The following AMOTL1 variants were observed in gnomAD, a reference collection of about 807,000 sequenced individuals.
The protein encoded by AMOTL1 is angiomotin like 1, also known as angiomotin-like protein 1.
AMOTL1 carries 45 observed loss-of-function variants against 102.9 expected under a neutral mutation model. The ratio of observed to expected loss-of-function variants is 0.44; its 90% CI spans 0.34 to 0.56. The LOEUF (loss-of-function observed/expected upper bound fraction) is 0.56, where lower values mean the gene tolerates loss of function less well. AMOTL1 is among the 20% of genes least tolerant of loss of function. The pLI, the probability that AMOTL1 is intolerant of heterozygous loss-of-function variation, is 0.01. For synonymous variants in AMOTL1, 481 were observed against 484.7 expected (o/e 0.99, Z 0.10); for missense variants, 1,114 against 1,225.6 (o/e 0.91, Z 1.36).
intron 3 of AMOTL1, among the ~76,000 whole-genome samples, chr11:94,743,222 C>T (rs192746259): frequency 2.0e-5 from 3 of 152,252 alleles, no homozygotes; most frequent in East Asian, 1.9e-4. Flanking sequence ...GGGTTGTGCC[C>T]GGGGATCCCT....
intron 2 of AMOTL1, among the ~76,000 whole-genome samples, chr11:94,736,131 G>T (rs1390599017): frequency 1.3e-5 from 2 of 152,152 alleles, no homozygotes; most frequent in Admixed American, 6.5e-5. Flanking sequence ...CAGGGGCAGG[G>T]ACTCCCTCTT....
chr11:94,712,791 T>C (rs1324954103), intron 1 of AMOTL1, among the ~76,000 whole-genome samples: 1 of 151,942 alleles, frequency 6.6e-6, no homozygotes. Flanking sequence ...AATTTTTTAT[T>C]CTATCCTCTT....
At position 94,799,314 on chromosome 11, in the gene AMOTL1, T is replaced by C; in HGVS notation, c.200-76T>C. The C allele has an allele frequency of 8.4e-7, 1 of 1,188,286 alleles. No homozygotes were observed. Among genetic ancestry groups the C allele is most frequent in the Non-Finnish European group, 1.2e-6 (1 of 860,410 alleles). 73.6% of individuals were successfully genotyped at this position (1,188,286 alleles called of 1,614,324 possible). On this transcript the variant is annotated intron_variant, in intron 2 of 12. Coordinates refer to ENST00000433060, the MANE Select transcript of AMOTL1 (RefSeq NM_130847.3). This position sits in a 1 kb window ranked among gnomAD's most constrained non-coding sequence, Gnocchi z 4.5. Reference sequence around the variant, plus strand: ...AATGTTGCTGTAGTTAGAATGTTAATTATGTACCACATAGTCACAGACATA... The same window carrying C: ...AATGTTGCTGTAGTTAGAATGTTAACTATGTACCACATAGTCACAGACATA...
intron 3 of AMOTL1, among the ~76,000 whole-genome samples, chr11:94,819,493 C>G (rs1393049759): frequency 6.6e-6 from 1 of 152,156 alleles, no homozygotes; most frequent in African/African-American, 2.4e-5. Flanking sequence ...TTTTACCCTC[C>G]TCTCACACGT....
intron 1 of AMOTL1, among the ~76,000 whole-genome samples, chr11:94,774,160 A>G (rs1448958163): frequency 6.6e-6 from 1 of 152,238 alleles, no homozygotes; most frequent in Non-Finnish European, 1.5e-5. Flanking sequence ...ATTCGCATGT[A>G]TCCGTCTTCT....
Position 94,821,498 on chromosome 11 carries a change from G to C in AMOTL1, c.1122-32G>C, listed in dbSNP as rs962817693. On this transcript the variant is annotated intron_variant, in intron 3 of 12. Coordinates refer to ENST00000433060, the MANE Select transcript of AMOTL1 (RefSeq NM_130847.3). ...CCTTCCTGCTCCCACCATTTCCCCAGGCTCTAACTGCTGCCTTCCATTGCC... is the reference window on the plus strand; with the variant it reads ...CCTTCCTGCTCCCACCATTTCCCCACGCTCTAACTGCTGCCTTCCATTGCC... 9 of 1,598,342 alleles carry C rather than the reference G, an allele frequency of 5.6e-6. No homozygotes were observed. In the African/African-American group the frequency reaches 1.1e-4, roughly 19 times the overall value.
chr11:94,843,059 G>A (rs1952339986), intron 6 of AMOTL1, among the ~76,000 whole-genome samples: 1 of 152,186 alleles, frequency 6.6e-6, no homozygotes, highest in South Asian at 2.1e-4. Flanking sequence ...CTGCACCAGA[G>A]CTCAGGGACA....
chr11:94,806,580 A>C (rs984161799), intron 3 of AMOTL1, among the ~76,000 whole-genome samples: 1 of 152,222 alleles, frequency 6.6e-6, no homozygotes, highest in African/African-American at 2.4e-5. Flanking sequence ...GAATACCAGC[A>C]TGGGAACTCA....
chr11:94,859,515 ACTC>A lies in AMOTL1; in HGVS notation c.1945-7_1945-5del, dbSNP rs753108714. The stretch of plus-strand genomic sequence containing the variant: ...TTTTGAGCATCAAGATTTTTTTTCT[ACTC>A]CTTCAGAAACATGGAAATGGCCAGC... On this transcript the variant is annotated splice_polypyrimidine_tract_variant and splice_region_variant and intron_variant, in intron 8 of 12. Coordinates refer to ENST00000433060, the MANE Select transcript of AMOTL1 (RefSeq NM_130847.3). 6.2e-7 allele frequency: 1 copy of A among 1,602,400 alleles called. No individual in the cohort carries two copies. The highest frequency in any genetic ancestry group is 8.5e-7 in the Non-Finnish European group (1 of 1,174,222).
At chr11:94,868,635 C>T (rs1952930141) in intron 11 of AMOTL1, among the ~76,000 whole-genome samples, 1 of 152,152 alleles carries the variant, frequency 6.6e-6, no homozygotes, top group Non-Finnish European at 1.5e-5. Context: ...GGACCATCAT[C>T]CATTACAAGG....
intron 2 of AMOTL1, among the ~76,000 whole-genome samples, chr11:94,736,257 A>G (rs1950437877): frequency 1.3e-5 from 2 of 152,144 alleles, no homozygotes; most frequent in South Asian, 4.1e-4. Context: ...TTATTTATGT[A>G]TGTATGTATT....
In AMOTL1 at chr11:94,790,409, G is replaced by A. The variant is rs192910750; in HGVS notation, c.50-4602G>A. On this transcript the variant is annotated intron_variant, in intron 1 of 12. Coordinates refer to ENST00000433060, the MANE Select transcript of AMOTL1 (RefSeq NM_130847.3). ...AGATCATAAGTGTGGTGACAGTTGA[G>A]GGAAGGGAGATCAGTCAGGGCATGG... is the stretch of plus-strand genomic sequence containing the variant. 4.4e-3 allele frequency among the ~76,000 whole-genome samples: 672 copies of A among 152,304 alleles called. 4 individuals are homozygous for A. The highest frequency in any genetic ancestry group is 6.8e-3 in the Middle Eastern group (2 of 294).
At position 94,872,180 on chromosome 11, in the gene AMOTL1, G is replaced by A. The variant is rs1033397746; in HGVS notation, c.*1385G>A. The A allele has an allele frequency of 2.0e-5, 3 of 152,040 alleles. No individual in the cohort carries two copies. Among genetic ancestry groups the A allele is most frequent in the African/African-American group, 7.3e-5 (3 of 41,374 alleles). The allele number at this position is 152,040 out of a possible 1,614,324, so 9.4% of individuals were successfully genotyped here. A position where few individuals can be genotyped will look rare whatever the true frequency, so the allele number is the denominator to read the frequency against. On this transcript the variant is annotated 3_prime_UTR_variant, in exon 13 of 13. Transcript: ENST00000433060. ...AGAGGCAGGAGTGTGTTAGGTGGTG[G>A]GTCCATTAGACCTCTGCTGTGACAT...
chr11:94,740,668 G>GT (rs956964182), intron 2 of AMOTL1, among the ~76,000 whole-genome samples: 10 of 151,978 alleles, frequency 6.6e-5, no homozygotes, highest in Non-Finnish European at 1.5e-4. Context: ...GAGCCGCGGG[G>GT]TGGCACGCGG....
At position 94,830,153 on chromosome 11, in the gene AMOTL1, G is replaced by A. The variant is rs1049948959; in HGVS notation, c.1517G>A (p.Gly506Asp). 6.2e-7 allele frequency: 1 copy of A among 1,610,910 alleles called. No homozygotes were observed. Among genetic ancestry groups the A allele is most frequent in the Non-Finnish European group, 8.5e-7 (1 of 1,178,554 alleles). ...AAGGCCATGAGAAACAAATTGGAAG[G>A]CGAGATTAGAAGACTTCATGATTTC... ...LDKAMRNKLE[G>D]EIRRLHDFNR... The change falls in exon 5 of 13, where the codon GGC becomes GAC. Residue 506 changes from glycine to aspartate, a missense_variant. Coordinates refer to ENST00000433060, the MANE Select transcript of AMOTL1 (RefSeq NM_130847.3).
chr11:94,729,170 T>C, intron 2 of AMOTL1: 1 of 693,212 alleles, frequency 1.4e-6, no homozygotes. Context: ...CAAAAGCAGC[T>C]GAGTGGAGAG....
At chr11:94,785,782 T>C (rs1951178107) in intron 1 of AMOTL1, among the ~76,000 whole-genome samples, 1 of 151,998 alleles carries the variant, frequency 6.6e-6, no homozygotes, top group South Asian at 2.1e-4. Context: ...TTAGTGGGAG[T>C]GAGAGAGGGA....
intron 6 of AMOTL1, among the ~76,000 whole-genome samples, chr11:94,841,366 C>T (rs1952298546): frequency 1.3e-5 from 2 of 152,098 alleles, no homozygotes; most frequent in South Asian, 4.1e-4. Context: ...GCAGGAGAAT[C>T]GCATGAGCCC....
intron 1 of AMOTL1, among the ~76,000 whole-genome samples, chr11:94,710,110 C>A (rs73525842): frequency 0.024 from 3,688 of 152,296 alleles, 148 homozygotes; most frequent in African/African-American, 0.085. Context: ...TCATACAAGG[C>A]TCTGCTGAAG....
Sources: allele counts gnomAD v4.1 joint callset (sites outside exome capture counted in the v4.1 genomes callset), GRCh38; gene constraint gnomAD v4.1.1; non-coding constraint Gnocchi (gnomAD v3.1); transcripts MANE v1.5; gene names NCBI Gene and HGNC (gene_info 2026-07-23, HGNC 2026-07-21).